Variants in ABHD2 observed in about 807,000 individuals in gnomAD.
The protein encoded by ABHD2 is abhydrolase domain containing 2, acylglycerol lipase, also known as monoacylglycerol lipase ABHD2.
A neutral mutation model predicts 48.1 loss-of-function variants in ABHD2; 20 were observed. The ratio of observed to expected loss-of-function variants is 0.42; its 90% CI spans 0.29 to 0.60. The LOEUF (loss-of-function observed/expected upper bound fraction) is 0.60, where lower values mean the gene tolerates loss of function less well. Ranked by LOEUF, ABHD2 falls within the 20% of genes least tolerant of loss-of-function variation. The probability of loss-of-function intolerance (pLI) is 0.24; values close to 1 mark genes in which losing one functional copy is unlikely to be tolerated. For synonymous variants in ABHD2, 209 were observed against 214.2 expected, an observed-to-expected ratio of 0.98 and a Z score of 0.21; for missense variants, 405 against 550.9, an observed-to-expected ratio of 0.74 and a Z score of 2.65.
chr15:89,162,697 C>G (rs150454890), intron 5 of ABHD2, among the ~76,000 whole-genome samples: 14 of 152,264 alleles, frequency 9.2e-5, no homozygotes, highest in South Asian at 8.3e-4. Flanking sequence ...AAGCTCCCCC[C>G]CAACCCCAGT....
the ABHD2 span, among the ~76,000 whole-genome samples, chr15:89,079,013 A>G: frequency 6.6e-6 from 1 of 152,184 alleles, no homozygotes; most frequent in Non-Finnish European, 1.5e-5. The surrounding 1 kb of genome is among the most constrained non-coding windows in gnomAD (Gnocchi z 4.3). Context: ...GATTACAGGC[A>G]TGAGTCACTG....
chr15:89,066,179 C>A, the ABHD2 span, among the ~76,000 whole-genome samples: 2 of 152,098 alleles, frequency 1.3e-5, no homozygotes, highest in African/African-American at 4.8e-5. Context: ...TACCACAAAC[C>A]TGGGGGCTTA....
chr15:89,105,989 A>G (rs1490626569), intron 1 of ABHD2, among the ~76,000 whole-genome samples: 1 of 152,120 alleles, frequency 6.6e-6, no homozygotes, highest in Non-Finnish European at 1.5e-5. Flanking sequence ...GATGTAAGCC[A>G]CTGTGCCCAG....
At chr15:89,115,217 A>G (rs2049935867) in intron 2 of ABHD2, among the ~76,000 whole-genome samples, 2 of 152,126 alleles carry the variant, frequency 1.3e-5, no homozygotes, top group Non-Finnish European at 2.9e-5. Flanking sequence ...TATGAGAGTT[A>G]CCATTTTCTC....
At chr15:89,150,336 T>C (rs2050570811) in intron 3 of ABHD2, among the ~76,000 whole-genome samples, 1 of 152,224 alleles carries the variant, frequency 6.6e-6, no homozygotes, top group African/African-American at 2.4e-5. Flanking sequence ...TGTATCTAGA[T>C]CTTGTATAGT....
chr15:89,068,754 CTTTTTTTTTTTT>C, the ABHD2 span, among the ~76,000 whole-genome samples: 41 of 71,392 alleles, frequency 5.7e-4, no homozygotes, highest in South Asian at 0.017. Context: ...CAAGCTTCCT[CTTTTTTTTTTTT>C]TTTTTTTTTT....
chr15:89,165,598 A>AAT (rs1248012068), intron 5 of ABHD2, among the ~76,000 whole-genome samples: 157 of 151,320 alleles, frequency 1.0e-3, no homozygotes, highest in African/African-American at 3.7e-3. Context: ...AAAAAAAAAA[A>AAT]TTTTTTTAAC....
At chr15:89,191,255 C>A in intron 9 of ABHD2, 106 bp downstream of exon 9, 1 of 1,104,594 alleles carries the variant, frequency 9.1e-7, no homozygotes, top group Non-Finnish European at 1.3e-6. Context: ...CAGCTGGAAT[C>A]TGGCTCCAAC....
At chr15:89,064,652 T>C in the ABHD2 span, among the ~76,000 whole-genome samples, 1 of 152,218 alleles carries the variant, frequency 6.6e-6, no homozygotes, top group Non-Finnish European at 1.5e-5. Context: ...AAATTATTAT[T>C]TTTAATGACT....
At chr15:89,118,780 A>G (rs540072528) in intron 3 of ABHD2, among the ~76,000 whole-genome samples, 93 of 152,346 alleles carry the variant, frequency 6.1e-4, no homozygotes, top group African/African-American at 2.0e-3. Flanking sequence ...AGTGTAAAAG[A>G]AAGCTGACTG....
At chr15:89,165,351 T>C (rs758979502) in intron 5 of ABHD2, among the ~76,000 whole-genome samples, 32 of 152,302 alleles carry the variant, frequency 2.1e-4, no homozygotes, top group South Asian at 1.2e-3. Flanking sequence ...ATAAATTCTT[T>C]AAACTGGAAA....
Position 89,137,578 on chromosome 15 carries a change from C to T in ABHD2, c.195-14099C>T, listed in dbSNP as rs1016007210. Among the ~76,000 whole-genome samples the T allele has an allele frequency of 1.3e-5, 2 of 152,148 alleles. No homozygotes were observed. Among genetic ancestry groups the T allele is most frequent in the African/African-American group, 4.8e-5 (2 of 41,414 alleles). ...GAAGAGGATTGCTCTTTTGTTTCCT[C>T]AGGCCACTTTTGGTCATTTCAGGCA... On this transcript the variant is annotated intron_variant, in intron 3 of 10. Coordinates refer to ENST00000352732, the MANE Select transcript of ABHD2 (RefSeq NM_152924.5). The surrounding 1 kb of genome is among the most constrained non-coding windows in gnomAD (Gnocchi z 4.8).
At position 89,185,652 on chromosome 15, in the gene ABHD2, T is replaced by G; in HGVS notation, c.815+136T>G. 1.3e-6 allele frequency: 1 copy of G among 782,336 alleles called. No homozygotes were observed. Among genetic ancestry groups the G allele is most frequent in the Non-Finnish European group, 2.1e-6 (1 of 481,668 alleles). The allele number at this position is 782,336 out of a possible 1,614,324, so 48.5% of individuals were successfully genotyped here. On this transcript the variant is annotated intron_variant, in intron 7 of 10. Transcript: ENST00000352732. The surrounding 1 kb of genome is among the most constrained non-coding windows in gnomAD (Gnocchi z 5.9). ...GGTGTGGTACAGACTCTCTGCTGCC[T>G]GCATTTGTGACTTGATTAGAAACAA...
chr15:89,196,128 G>A lies in ABHD2; in HGVS notation c.*705G>A, dbSNP rs944250966. Reference sequence around the variant, plus strand: ...GCCTGGGGATTTTAATTTTTCACAAGTGCCCCAGATGATTCTCATCACCAA... The same window carrying A: ...GCCTGGGGATTTTAATTTTTCACAAATGCCCCAGATGATTCTCATCACCAA... On this transcript the variant is annotated 3_prime_UTR_variant, in exon 11 of 11. Transcript: ENST00000352732. The A allele has an allele frequency of 2.0e-5, 3 of 152,394 alleles. No individual in the cohort carries two copies. The highest frequency in any genetic ancestry group is 4.4e-5 in the Non-Finnish European group (3 of 68,016). The allele number at this position is 152,394 out of a possible 1,614,324, so 9.4% of individuals were successfully genotyped here.
At position 89,175,755 on chromosome 15, in the gene ABHD2, T is replaced by G; in HGVS notation, c.539-57T>G. The G allele has an allele frequency of 6.3e-7, 1 of 1,598,578 alleles. No homozygotes were observed. Among genetic ancestry groups the G allele is most frequent in the Non-Finnish European group, 8.6e-7 (1 of 1,168,948 alleles). The stretch of plus-strand genomic sequence containing the variant: ...CATTTAGTAACGTTCCAGCTTGCAT[T>G]TTCTCCAGATAGGATGCACCTGAAA... On this transcript the variant is annotated intron_variant, in intron 5 of 10. Coordinates refer to ENST00000352732, the MANE Select transcript of ABHD2 (RefSeq NM_152924.5). The surrounding 1 kb of genome is among the most constrained non-coding windows in gnomAD (Gnocchi z 5.7).
rs571380740 is a variant in ABHD2, at chr15:89,102,335, T to A, written c.-106-11390T>A. On this transcript the variant is annotated intron_variant, in intron 1 of 10. Coordinates refer to ENST00000352732, the MANE Select transcript of ABHD2 (RefSeq NM_152924.5). The surrounding 1 kb of genome is among the most constrained non-coding windows in gnomAD (Gnocchi z 4.8). Reference sequence around the variant, plus strand: ...AGTACTTCATTATATACAGATTTGTTGTACTATTTTCCAATTGTTTTATGG... The same window carrying A: ...AGTACTTCATTATATACAGATTTGTAGTACTATTTTCCAATTGTTTTATGG... 6.6e-6 allele frequency: 1 copy of A among 152,372 alleles called. No homozygotes were observed. Among genetic ancestry groups the A allele is most frequent in the South Asian group, 2.1e-4 (1 of 4,830 alleles). The allele number at this position is 152,372 out of a possible 1,614,324, so 9.4% of individuals were successfully genotyped here.
At chr15:89,127,728 T>TATATATATATATATATATATATAC (rs1567080135) in intron 3 of ABHD2, among the ~76,000 whole-genome samples, 4 of 144,632 alleles carry the variant, frequency 2.8e-5, no homozygotes, top group African/African-American at 1.1e-4. Context: ...TACACATATA[T>TATATATATATATATATATATATAC]ATATATATAT....
chr15:89,125,343 G>A (rs1038454600), intron 3 of ABHD2, among the ~76,000 whole-genome samples: 3 of 152,142 alleles, frequency 2.0e-5, no homozygotes, highest in Admixed American at 6.5e-5. Context: ...GTGTTCTGAT[G>A]TGCTTATTTT....
rs917105036 is a variant in ABHD2 at position 89,091,516 on chromosome 15, T to G, written c.-107+2953T>G. Reference sequence around the variant, plus strand: ...CTTCTCATTTGCTGTTACTCGTTGCTTTAAGCATTTACGCCTTTTCCTGGT... The same window carrying G: ...CTTCTCATTTGCTGTTACTCGTTGCGTTAAGCATTTACGCCTTTTCCTGGT... On this transcript the variant is annotated intron_variant, in intron 1 of 10. Transcript: ENST00000352732. The surrounding 1 kb of genome is among the most constrained non-coding windows in gnomAD (Gnocchi z 5.5). 6.6e-6 allele frequency among the ~76,000 whole-genome samples: 1 copy of G among 152,226 alleles called. No individual in the cohort carries two copies. The highest frequency in any genetic ancestry group is 2.4e-5 in the African/African-American group (1 of 41,458).
Sources: gnomAD v4.1 joint callset for allele counts (sites outside exome capture counted in the v4.1 genomes callset) on GRCh38, gnomAD v4.1.1 for gene constraint, Gnocchi (gnomAD v3.1) non-coding constraint, MANE v1.5 for transcripts, NCBI Gene and HGNC (gene_info 2026-07-23, HGNC 2026-07-21) for gene names.